The following TENM3 variants were observed in gnomAD, a reference collection of about 807,000 sequenced individuals.
The protein encoded by TENM3 is teneurin transmembrane protein 3, also known as teneurin-3.
In TENM3, 63 loss-of-function variants were observed where a neutral mutation model predicts 255.1. The ratio of observed to expected loss-of-function variants is 0.25; its 90% CI spans 0.20 to 0.30. The LOEUF (loss-of-function observed/expected upper bound fraction) is 0.30. Ranked by LOEUF, TENM3 falls within the 10% of genes least tolerant of loss-of-function variation. The pLI is 1.00. For synonymous variants in TENM3, 1,306 were observed against 1,322.3 expected (o/e 0.99, Z 0.27); for missense variants, 2,929 against 3,461.1 (o/e 0.85, Z 3.86).
chr4:182,704,841 T>C (rs1758156175), intron 12 of TENM3, among the ~76,000 whole-genome samples: 1 of 151,262 alleles, frequency 6.6e-6, no homozygotes, highest in South Asian at 2.1e-4. Context: ...TTTTTTTTTT[T>C]TGCTGACACC....
the TENM3 span, among the ~76,000 whole-genome samples, chr4:181,524,413 C>T: frequency 3.3e-5 from 5 of 152,178 alleles, no homozygotes; most frequent in Non-Finnish European, 1.5e-5. Context: ...AAGCGAACTC[C>T]GTGTCTTTGG....
At position 182,773,423 on chromosome 4, in the gene TENM3, G is replaced by T. The variant is rs780022582; in HGVS notation, c.4893-49G>T. 2.7e-5 allele frequency: 40 copies of T among 1,500,640 alleles called. No homozygotes were observed. In the East Asian group the frequency reaches 9.0e-4, roughly 34 times the overall value. 93.0% of individuals were successfully genotyped at this position (1,500,640 alleles called of 1,614,324 possible). A position where few individuals can be genotyped will look rare whatever the true frequency, so the allele number is the denominator to read the frequency against. On this transcript the variant is annotated intron_variant, in intron 22 of 27. Transcript: ENST00000511685. The stretch of plus-strand genomic sequence containing the variant: ...TACACATTATATTTATAAGTCAGAA[G>T]AAACTGCAGTTTCCTATTTAACACC...
intron 5 of TENM3, among the ~76,000 whole-genome samples, chr4:182,638,434 G>A (rs954340823): frequency 2.0e-5 from 3 of 152,016 alleles, no homozygotes; most frequent in Non-Finnish European, 4.4e-5. Context: ...AGGTCAGCAC[G>A]TCTCATTTTC....
the TENM3 span, among the ~76,000 whole-genome samples, chr4:181,621,703 G>C: frequency 7.7e-4 from 118 of 152,294 alleles, no homozygotes; most frequent in African/African-American, 2.7e-3. Context: ...TCATTTATAA[G>C]TGGATGGATA....
At chr4:182,650,891 T>C (rs28589819) in intron 5 of TENM3, among the ~76,000 whole-genome samples, 1 of 91,956 alleles carries the variant, frequency 1.1e-5, no homozygotes, top group African/African-American at 4.4e-5. Context: ...TAAAAAAAAA[T>C]ATATATATAT....
chr4:181,758,118 T>C, the TENM3 span, among the ~76,000 whole-genome samples: 5 of 152,150 alleles, frequency 3.3e-5, no homozygotes, highest in Non-Finnish European at 7.3e-5. Flanking sequence ...TTACTGCTGC[T>C]CCCCACCTCA....
chr4:182,571,274 C>A (rs1479924695), intron 3 of TENM3, among the ~76,000 whole-genome samples: 1 of 152,136 alleles, frequency 6.6e-6, no homozygotes, highest in East Asian at 1.9e-4. Flanking sequence ...GCCTGTAATC[C>A]CAGCACTTTG....
chr4:182,762,262 C>T (rs11737709), intron 22 of TENM3, among the ~76,000 whole-genome samples: 47,795 of 152,026 alleles, frequency 0.31, 7,756 homozygotes, highest in South Asian at 0.37. Flanking sequence ...TGTTCCATAA[C>T]GGTTCAAGAG....
chr4:182,099,346 T>G, the TENM3 span, among the ~76,000 whole-genome samples: 1 of 152,150 alleles, frequency 6.6e-6, no homozygotes, highest in African/African-American at 2.4e-5. Context: ...AGACCTTAAA[T>G]GTGATCACTG....
intron 1 of TENM3, among the ~76,000 whole-genome samples, chr4:182,319,351 A>G (rs916530169): frequency 6.6e-6 from 1 of 152,242 alleles, no homozygotes; most frequent in Non-Finnish European, 1.5e-5. Flanking sequence ...TTTTGAAGTC[A>G]TATTGAACTC....
At chr4:181,801,651 A>ATATAT in the TENM3 span, among the ~76,000 whole-genome samples, 9 of 80,934 alleles carry the variant, frequency 1.1e-4, no homozygotes, top group African/African-American at 3.4e-4. Flanking sequence ...AGAATTGTAA[A>ATATAT]ATATATATAT....
intron 1 of TENM3, among the ~76,000 whole-genome samples, chr4:182,261,513 T>C (rs571459496): frequency 5.9e-5 from 9 of 152,204 alleles, no homozygotes; most frequent in Non-Finnish European, 1.3e-4. Context: ...GCCTTACTGA[T>C]GTGACTTAAC....
At chr4:182,115,518 C>T in the TENM3 span, among the ~76,000 whole-genome samples, 1 of 152,132 alleles carries the variant, frequency 6.6e-6, no homozygotes, top group Admixed American at 6.5e-5. Context: ...ATCTTGTACT[C>T]AATGAGAAGT....
the TENM3 span, among the ~76,000 whole-genome samples, chr4:181,931,584 T>A: frequency 6.6e-6 from 1 of 152,180 alleles, no homozygotes; most frequent in Non-Finnish European, 1.5e-5. Flanking sequence ...AAAATGGCCA[T>A]ACTGCCCAAA....
chr4:182,559,520 T>C (rs1340811744), intron 3 of TENM3, among the ~76,000 whole-genome samples: 8 of 152,156 alleles, frequency 5.3e-5, no homozygotes, highest in African/African-American at 1.7e-4. Flanking sequence ...TTTCTAGGAT[T>C]ACTTTCTAAT....
At chr4:182,439,333 C>T (rs1447218309) in intron 3 of TENM3, among the ~76,000 whole-genome samples, 1 of 152,202 alleles carries the variant, frequency 6.6e-6, no homozygotes, top group African/African-American at 2.4e-5. Context: ...TTCCCTTAAG[C>T]TGCTGAAGTT....
the TENM3 span, among the ~76,000 whole-genome samples, chr4:181,847,282 G>C: frequency 2.0e-5 from 3 of 152,124 alleles, no homozygotes; most frequent in Non-Finnish European, 2.9e-5. Context: ...GGTTAAATTT[G>C]GAAAATAAAA....
the TENM3 span, among the ~76,000 whole-genome samples, chr4:181,962,145 T>C: frequency 6.6e-6 from 1 of 152,230 alleles, no homozygotes; most frequent in Non-Finnish European, 1.5e-5. Flanking sequence ...CTAGCTAACA[T>C]AAATTAGACA....
At chr4:181,993,026 A>T in the TENM3 span, among the ~76,000 whole-genome samples, 4 of 152,272 alleles carry the variant, frequency 2.6e-5, no homozygotes, top group South Asian at 8.3e-4. Context: ...AATTAAAATT[A>T]TACTTTTATG....
Sources: gnomAD v4.1 joint callset for allele counts (sites outside exome capture counted in the v4.1 genomes callset) on GRCh38, gnomAD v4.1.1 for gene constraint, MANE v1.5 for transcripts, NCBI Gene and HGNC (gene_info 2026-07-23, HGNC 2026-07-21) for gene names.